CCDC125: variants seen among roughly 807,000 people sequenced by gnomAD.
The protein encoded by CCDC125 is coiled-coil domain containing 125.
CCDC125 carries 43 observed loss-of-function variants against 57.4 expected under a neutral mutation model. The ratio of observed to expected loss-of-function variants is 0.75; its 90% CI spans 0.59 to 0.97. CCDC125 has a LOEUF of 0.97. Ranked by LOEUF, CCDC125 falls within the 50% of genes least tolerant of loss-of-function variation. CCDC125 has a pLI of 0.00. For missense variants in CCDC125, 563 were observed against 595.7 expected (o/e 0.95, Z 0.57); for synonymous variants, 187 against 195.2 (o/e 0.96, Z 0.35).
chr5:69,324,849 A>G (rs1760526363), intron 1 of CCDC125, among the ~76,000 whole-genome samples: 1 of 152,100 alleles, frequency 6.6e-6, no homozygotes, highest in African/African-American at 2.4e-5. Flanking sequence ...CCCCATCACT[A>G]ATTAAAACAA....
chr5:69,293,523 G>A (rs528619819), intron 9 of CCDC125, among the ~76,000 whole-genome samples: 40 of 151,632 alleles, frequency 2.6e-4, no homozygotes, highest in African/African-American at 4.3e-4. Context: ...GGTGGCAGGC[G>A]CCTGTAATCC....
intron 1 of CCDC125, among the ~76,000 whole-genome samples, chr5:69,325,299 C>T (rs1267443460): frequency 1.4e-5 from 2 of 138,644 alleles, no homozygotes; most frequent in Admixed American, 1.5e-4. Flanking sequence ...GCACTACAGC[C>T]TGGGCAACAG....
chr5:69,306,662 A>G (rs1757377040), intron 6 of CCDC125, among the ~76,000 whole-genome samples, 155 bp downstream of exon 6: 1 of 152,200 alleles, frequency 6.6e-6, no homozygotes, highest in Non-Finnish European at 1.5e-5. Flanking sequence ...CTTTAAGGAA[A>G]ATTAACACTA....
At chr5:69,298,261 G>T (rs190980369) in intron 8 of CCDC125, among the ~76,000 whole-genome samples, 2 of 151,996 alleles carry the variant, frequency 1.3e-5, no homozygotes, top group African/African-American at 2.4e-5. Flanking sequence ...TGATCCGCCC[G>T]CCTCGGCCTC....
chr5:69,290,629 C>CTTTTTTTTTTTT (rs373663120), intron 10 of CCDC125, among the ~76,000 whole-genome samples: 7 of 117,770 alleles, frequency 5.9e-5, no homozygotes, highest in African/African-American at 1.6e-4. Context: ...TCTTTTTTTT[C>CTTTTTTTTTTTT]TTTTTTTTTT....
chr5:69,318,324 G>C (rs900754202), intron 2 of CCDC125, among the ~76,000 whole-genome samples: 1 of 151,982 alleles, frequency 6.6e-6, no homozygotes, highest in Non-Finnish European at 1.5e-5. Flanking sequence ...GAACATGCCT[G>C]TAGTCTCAGC....
At chr5:69,318,022 G>C (rs1009117446) in intron 2 of CCDC125, among the ~76,000 whole-genome samples, 1 of 126,532 alleles carries the variant, frequency 7.9e-6, no homozygotes, top group African/African-American at 3.1e-5. Context: ...TTGCTCTGTC[G>C]CCAGGCTGGA....
chr5:69,279,883 G>C (rs999045796), downstream of CCDC125, among the ~76,000 whole-genome samples: 1 of 152,128 alleles, frequency 6.6e-6, no homozygotes, highest in Admixed American at 6.5e-5. Flanking sequence ...AGGTTTAATT[G>C]ACTCATAGCT....
chr5:69,292,193 T>A lies in CCDC125; in HGVS notation c.1094A>T (p.Glu365Val). The part of the protein sequence containing the change: ...TKWMNWKHLK[E>V]DGFPSPRSKK... ...CCATTATAATTCATAGTTACCATCCTCTTTAAGGTGCTTCCAATTCATCCA... is the reference window on the plus strand; with the variant it reads ...CCATTATAATTCATAGTTACCATCCACTTTAAGGTGCTTCCAATTCATCCA... Residue 365 changes from glutamate to valine, a missense_variant, in exon 10 of 12, where the codon GAG (glutamate) becomes GTG (valine). By Grantham distance (121) the Glu-to-Val change is moderately radical (BLOSUM62 -2). Transcript: ENST00000396496. The A allele has an allele frequency of 6.2e-7, 1 of 1,610,130 alleles. No individual in the cohort carries two copies. The highest frequency in any genetic ancestry group is 8.5e-7 in the Non-Finnish European group (1 of 1,178,696).
chr5:69,301,469 AT>A (rs540175343), intron 7 of CCDC125, among the ~76,000 whole-genome samples: 52 of 150,124 alleles, frequency 3.5e-4, no homozygotes, highest in Non-Finnish European at 3.1e-4. Context: ...GTCTACAAAA[AT>A]TTTTTTTTTA....
At chr5:69,294,219 T>G in intron 9 of CCDC125, 1 of 688,380 alleles carries the variant, frequency 1.5e-6, no homozygotes, top group Non-Finnish European at 1.8e-6. Flanking sequence ...TTTAGGGACA[T>G]GTATAGATGA....
intron 2 of CCDC125, among the ~76,000 whole-genome samples, chr5:69,317,270 A>G (rs1759264790): frequency 6.6e-6 from 1 of 152,082 alleles, no homozygotes; most frequent in Admixed American, 6.6e-5. Flanking sequence ...CAGTCTCCCA[A>G]AGTGCTGGGA....
At chr5:69,277,420 G>A (rs562797466), downstream of CCDC125, 38 of 279,698 alleles carry the variant, frequency 1.4e-4, no homozygotes, top group African/African-American at 7.9e-4. Context: ...CCAGTTATTT[G>A]GAAGATCTGA....
In CCDC125 at chr5:69,285,377, T is replaced by C; in HGVS notation, c.1190A>G (p.Gln397Arg). Residue 397 changes from glutamine (Q) to arginine (R), a missense_variant, in exon 11 of 12, where the codon CAG (glutamine) becomes CGG (arginine). By Grantham distance (43) the Gln-to-Arg change is conservative (BLOSUM62 1). Coordinates refer to ENST00000396496, the MANE Select transcript of CCDC125 (RefSeq NM_176816.5). ...CTTAAGGACCTCTTGAGGACTGTCC[T>C]GGTCTTCCATCCTCTTAGAACTGTT... ...SENSSKRMED[Q>R]DSPQEVLKML... 6.2e-7 allele frequency: 1 copy of C among 1,612,824 alleles called. No homozygotes were observed. The highest frequency in any genetic ancestry group is 1.1e-5 in the South Asian group (1 of 90,878).
At chr5:69,315,475 G>T (rs1255512135) in intron 2 of CCDC125, among the ~76,000 whole-genome samples, 2 of 59,228 alleles carry the variant, frequency 3.4e-5, no homozygotes, top group Non-Finnish European at 8.4e-5. Flanking sequence ...AAAAAAAAAA[G>T]GCCAGGTGTG....
chr5:69,289,179 T>C (rs1754000268), intron 10 of CCDC125, among the ~76,000 whole-genome samples: 1 of 152,242 alleles, frequency 6.6e-6, no homozygotes, highest in Non-Finnish European at 1.5e-5. Context: ...CTTCGTCTCT[T>C]CTTTTTCCCA....
chr5:69,313,767 C>G, intron 3 of CCDC125: 1 of 786,008 alleles, frequency 1.3e-6, no homozygotes, highest in Non-Finnish European at 2.4e-6. Flanking sequence ...CGGAAGAGCA[C>G]CGCCTTCTTG....
intron 1 of CCDC125, among the ~76,000 whole-genome samples, chr5:69,323,439 G>C (rs1760350114): frequency 6.6e-6 from 1 of 151,970 alleles, no homozygotes; most frequent in Non-Finnish European, 1.5e-5. Flanking sequence ...CTAATACACT[G>C]CCTATACATC....
At chr5:69,299,229 C>G (rs1755939222) in intron 8 of CCDC125, among the ~76,000 whole-genome samples, 1 of 152,116 alleles carries the variant, frequency 6.6e-6, no homozygotes, top group Admixed American at 6.6e-5. Flanking sequence ...CCTGCCTCAG[C>G]CTCCCAAGTA....
Sources: gnomAD v4.1 joint callset for allele counts (sites outside exome capture counted in the v4.1 genomes callset) on GRCh38, gnomAD v4.1.1 for gene constraint, MANE v1.5 for transcripts, NCBI Gene and HGNC (gene_info 2026-07-23, HGNC 2026-07-21) for gene names.